The following AVL9 variants were observed in gnomAD, a reference collection of about 807,000 sequenced individuals.
AVL9 encodes late secretory pathway protein AVL9 homolog.
Under a neutral mutation model 79.2 loss-of-function variants are expected in AVL9, and 49 were observed. That is an observed-to-expected ratio of 0.62 (90% CI 0.49 to 0.79). AVL9 has a LOEUF of 0.79. Among genes scored for constraint, AVL9 ranks in the 30% least tolerant of loss-of-function variants. AVL9 has a pLI of 0.00. For synonymous variants in AVL9, 299 were observed against 280.6 expected (o/e 1.07, Z -0.65); for missense variants, 682 against 776.8 (o/e 0.88, Z 1.45).
chr7:32,584,246 G>T lies in AVL9; in HGVS notation c.*339G>T. Reference sequence around the variant, plus strand: ...ACTTATGTAAATTTTGTTCTGTTTTGGTGTTTGAATATCTAGATGGTCACT... The same window carrying T: ...ACTTATGTAAATTTTGTTCTGTTTTTGTGTTTGAATATCTAGATGGTCACT... On this transcript the variant is annotated 3_prime_UTR_variant, in exon 16 of 16. Transcript: ENST00000318709. 3 of 259,324 alleles carry T rather than the reference G, an allele frequency of 1.2e-5. No homozygotes were observed. Among genetic ancestry groups the T allele is most frequent in the South Asian group, 5.5e-5 (1 of 18,236 alleles). 16.1% of individuals were successfully genotyped at this position (259,324 alleles called of 1,614,324 possible).
At chr7:32,576,414 T>C (rs2128152499) in intron 13 of AVL9, among the ~76,000 whole-genome samples, 1 of 152,270 alleles carries the variant, frequency 6.6e-6, no homozygotes, top group South Asian at 2.1e-4. Context: ...CAAGATAGAA[T>C]CCTAGAAGGA....
intron 10 of AVL9, among the ~76,000 whole-genome samples, chr7:32,566,552 A>T (rs1339255898): frequency 1.9e-3 from 2 of 1,066 alleles, no homozygotes; most frequent in African/African-American, 9.8e-3. Context: ...CTAATATTTT[A>T]AAAAAGTTAC....
intron 1 of AVL9, among the ~76,000 whole-genome samples, chr7:32,517,498 G>T (rs1000968571): frequency 6.6e-6 from 1 of 151,886 alleles, no homozygotes; most frequent in Admixed American, 6.6e-5. Context: ...TAGAGACGGG[G>T]TTTCACCATC....
chr7:32,526,711 A>G (rs1336613896), intron 1 of AVL9, among the ~76,000 whole-genome samples: 1 of 152,158 alleles, frequency 6.6e-6, no homozygotes, highest in East Asian at 1.9e-4. Context: ...GGAAAAAGAA[A>G]AAAGAGACAT....
At chr7:32,552,782 A>G (rs1287292258) in intron 6 of AVL9, among the ~76,000 whole-genome samples, 6 of 151,948 alleles carry the variant, frequency 3.9e-5, no homozygotes. Flanking sequence ...CCAGGCTGGA[A>G]TTTCTACCTT....
chr7:32,509,184 A>G (rs1787542532), intron 1 of AVL9, among the ~76,000 whole-genome samples: 1 of 152,158 alleles, frequency 6.6e-6, no homozygotes, highest in Non-Finnish European at 1.5e-5. Context: ...CTCAGCTTTG[A>G]TGAGAGCCCT....
At chr7:32,498,470 G>A (rs1416390581) in intron 1 of AVL9, among the ~76,000 whole-genome samples, 1 of 151,850 alleles carries the variant, frequency 6.6e-6, no homozygotes, top group Non-Finnish European at 1.5e-5. Context: ...GGCTGGTCTA[G>A]AACTCCTGAC....
chr7:32,496,956 G>A (rs1336761555), intron 1 of AVL9, among the ~76,000 whole-genome samples: 2 of 152,158 alleles, frequency 1.3e-5, no homozygotes, highest in Non-Finnish European at 2.9e-5. Flanking sequence ...TAAAAAATTA[G>A]TTGCATGTGA....
At chr7:32,569,046 T>TAGTTGGAATAAAGAATATCA (rs535538208) in intron 10 of AVL9, among the ~76,000 whole-genome samples, 26 of 152,286 alleles carry the variant, frequency 1.7e-4, no homozygotes, top group African/African-American at 5.8e-4. Context: ...AGCGCTCTCC[T>TAGTTGGAATAAAGAATATCA]AGTTGGAATA....
chr7:32,509,024 A>G lies in AVL9; in HGVS notation c.93+13222A>G, dbSNP rs144456241. Among the ~76,000 whole-genome samples, 325 of 152,340 alleles carry G rather than the reference A, an allele frequency of 2.1e-3. 3 individuals carry two copies. The highest frequency in any genetic ancestry group is 7.5e-3 in the African/African-American group (313 of 41,572). ...TTTTGATTGAGATTGTATTGAATCT[A>G]AGGATCAGTTTGAGGACAGCACTTC... On this transcript the variant is annotated intron_variant, in intron 1 of 15. Transcript: ENST00000318709.
chr7:32,520,602 T>C (rs914096282), intron 1 of AVL9, among the ~76,000 whole-genome samples: 1 of 152,208 alleles, frequency 6.6e-6, no homozygotes, highest in African/African-American at 2.4e-5. Flanking sequence ...AAGCAGTTGA[T>C]ACGCTTCTTA....
intron 14 of AVL9, 110 bp downstream of exon 14, chr7:32,580,382 A>C: frequency 1.2e-6 from 1 of 827,558 alleles, no homozygotes; most frequent in Non-Finnish European, 2.0e-6. Context: ...TATGCTTCAA[A>C]TAGTAACCAA....
intron 1 of AVL9, chr7:32,538,319 T>G (rs1303930495): frequency 6.6e-6 from 1 of 152,156 alleles, no homozygotes; most frequent in Non-Finnish European, 1.5e-5. Context: ...TGTGATTGTC[T>G]TATTTATTTA....
At chr7:32,541,716 A>ATTTT (rs71559233) in intron 1 of AVL9, among the ~76,000 whole-genome samples, 1 of 145,022 alleles carries the variant, frequency 6.9e-6, no homozygotes, top group East Asian at 2.0e-4. Context: ...CCTTCAGTTA[A>ATTTT]TTTTTTTTTT....
intron 1 of AVL9, chr7:32,538,538 A>C (rs764483): frequency 6.6e-6 from 1 of 151,934 alleles, no homozygotes; most frequent in Non-Finnish European, 1.5e-5. Context: ...ACTTTCTGTA[A>C]GTTTGAAAAT....
chr7:32,556,586 A>T (rs182021670), intron 8 of AVL9, among the ~76,000 whole-genome samples: 3,517 of 152,058 alleles, frequency 0.023, 144 homozygotes, highest in African/African-American at 0.079. Context: ...TTTTTTTTTA[A>T]AAATGAACCC....
chr7:32,543,297 T>G, intron 2 of AVL9, 36 bp downstream of exon 2: 1 of 1,599,496 alleles, frequency 6.3e-7, no homozygotes, highest in Non-Finnish European at 8.5e-7. Flanking sequence ...TAGGTGCCAT[T>G]TTTGAAAAAA....
intron 1 of AVL9, among the ~76,000 whole-genome samples, chr7:32,523,353 G>A (rs1337722448): frequency 1.3e-5 from 2 of 151,664 alleles, no homozygotes; most frequent in Non-Finnish European, 2.9e-5. Flanking sequence ...GATGAAAATT[G>A]ATAAAAATTA....
chr7:32,579,891 A>G (rs758937751), intron 13 of AVL9, among the ~76,000 whole-genome samples: 1 of 151,742 alleles, frequency 6.6e-6, no homozygotes, highest in Admixed American at 6.6e-5. Flanking sequence ...CTTGTAAAAA[A>G]TGTGTTGATG....
Sources: gnomAD v4.1 joint callset for allele counts (sites outside exome capture counted in the v4.1 genomes callset) on GRCh38, gnomAD v4.1.1 for gene constraint, MANE v1.5 for transcripts, NCBI Gene and HGNC (gene_info 2026-07-23, HGNC 2026-07-21) for gene names.